Variants in CCSER1 observed in about 807,000 individuals in gnomAD.
CCSER1 encodes coiled-coil serine rich protein 1.
A neutral mutation model predicts 82.0 loss-of-function variants in CCSER1; 41 were observed. The ratio of observed to expected loss-of-function variants is 0.50; its 90% CI spans 0.39 to 0.65. The LOEUF (loss-of-function observed/expected upper bound fraction) is 0.65, where lower values mean the gene tolerates loss of function less well. Ranked by LOEUF, CCSER1 falls within the 30% of genes least tolerant of loss-of-function variation. The probability of loss-of-function intolerance (pLI) is 0.00; values close to 1 mark genes in which losing one functional copy is unlikely to be tolerated. For missense variants in CCSER1, 1,119 were observed against 1,064.2 expected (o/e 1.05, Z -0.72); for synonymous variants, 414 against 383.9 (o/e 1.08, Z -0.92).
intron 10 of CCSER1, among the ~76,000 whole-genome samples, chr4:91,104,541 T>G (rs1427463761): frequency 6.6e-6 from 1 of 152,210 alleles, no homozygotes; most frequent in East Asian, 1.9e-4. Flanking sequence ...AGTAAGAGAC[T>G]TTCAGTCTTA....
At chr4:90,805,869 C>T (rs1757431641) in intron 7 of CCSER1, among the ~76,000 whole-genome samples, 1 of 152,012 alleles carries the variant, frequency 6.6e-6, no homozygotes, top group Admixed American at 6.6e-5. Context: ...ATATTAAAAT[C>T]CTGTTCATTC....
intron 8 of CCSER1, among the ~76,000 whole-genome samples, chr4:90,866,083 TCGATTACCTCCCAAGA>T (rs1765695381): frequency 6.6e-6 from 1 of 151,864 alleles, no homozygotes; most frequent in South Asian, 2.1e-4. Flanking sequence ...CCCTCATGAT[TCGATTACCTCCCAAGA>T]GTCCCCACCT....
chr4:91,097,976 A>G (rs1724673518), intron 10 of CCSER1, among the ~76,000 whole-genome samples: 1 of 152,176 alleles, frequency 6.6e-6, no homozygotes, highest in Non-Finnish European at 1.5e-5. Context: ...GAAAACCATA[A>G]ATAGGAAATT....
At chr4:91,085,151 T>C (rs1723242249) in intron 9 of CCSER1, among the ~76,000 whole-genome samples, 1 of 151,974 alleles carries the variant, frequency 6.6e-6, no homozygotes, top group East Asian at 1.9e-4. Flanking sequence ...ATGTATGTGA[T>C]AAATGCATTG....
intron 7 of CCSER1, among the ~76,000 whole-genome samples, chr4:90,813,054 CA>C (rs999408369): frequency 9.2e-5 from 14 of 152,308 alleles, no homozygotes; most frequent in African/African-American, 3.4e-4. Flanking sequence ...AACAGTCCCC[CA>C]AAGTCTAACT....
chr4:90,609,144 AT>A (rs1311222153), intron 5 of CCSER1, among the ~76,000 whole-genome samples: 3 of 152,054 alleles, frequency 2.0e-5, no homozygotes, highest in African/African-American at 7.2e-5. Flanking sequence ...TTTTATTCAT[AT>A]TTTTATATAT....
At chr4:91,441,317 T>C (rs1167053606) in intron 10 of CCSER1, among the ~76,000 whole-genome samples, 4 of 152,130 alleles carry the variant, frequency 2.6e-5, no homozygotes, top group Non-Finnish European at 4.4e-5. Flanking sequence ...TGGTTCAATA[T>C]ACACAAAACA....
intron 10 of CCSER1, among the ~76,000 whole-genome samples, chr4:91,439,912 T>G (rs1754991044): frequency 6.6e-6 from 1 of 152,104 alleles, no homozygotes. Flanking sequence ...CAAGAAGAAC[T>G]AACTATCCTA....
intron 5 of CCSER1, among the ~76,000 whole-genome samples, chr4:90,581,813 G>A (rs367995397): frequency 1.4e-4 from 21 of 151,754 alleles, no homozygotes; most frequent in East Asian, 7.7e-4. Context: ...AAATGAAGAT[G>A]GATTTAGACA....
chr4:90,298,846 C>G (rs1365417449), intron 1 of CCSER1, among the ~76,000 whole-genome samples: 2 of 152,160 alleles, frequency 1.3e-5, no homozygotes, highest in African/African-American at 4.8e-5. Context: ...TGTGTCTAAA[C>G]CTTAGTACAT....
At chr4:90,916,016 G>A (rs2150216434) in intron 8 of CCSER1, among the ~76,000 whole-genome samples, 1 of 152,144 alleles carries the variant, frequency 6.6e-6, no homozygotes, top group Middle Eastern at 3.4e-3. Flanking sequence ...AATAAAAGAG[G>A]ACACAAACAA....
At chr4:90,485,523 C>A (rs1421304390) in intron 5 of CCSER1, among the ~76,000 whole-genome samples, 12 of 150,318 alleles carry the variant, frequency 8.0e-5, no homozygotes, top group South Asian at 2.1e-4. Flanking sequence ...GCTCCACCCC[C>A]CCCCCCCAAT....
chr4:91,002,330 A>T (rs1173787145), intron 9 of CCSER1, among the ~76,000 whole-genome samples: 2 of 152,182 alleles, frequency 1.3e-5, no homozygotes, highest in African/African-American at 4.8e-5. Flanking sequence ...TTCCTTTATT[A>T]TTCCCCCAGA....
intron 3 of CCSER1, among the ~76,000 whole-genome samples, chr4:90,360,134 G>A (rs1332466620): frequency 2.7e-5 from 4 of 147,990 alleles, no homozygotes; most frequent in East Asian, 2.0e-4. Flanking sequence ...GGCCAGGCTG[G>A]TCTCGAACTC....
intron 10 of CCSER1, among the ~76,000 whole-genome samples, chr4:91,395,177 T>G (rs906967959): frequency 1.5e-4 from 23 of 152,164 alleles, no homozygotes; most frequent in African/African-American, 5.3e-4. Flanking sequence ...GAAGACAGCT[T>G]GCTCTCAGGC....
At chr4:90,159,524 A>T (rs1015694893) in intron 1 of CCSER1, among the ~76,000 whole-genome samples, 1 of 152,166 alleles carries the variant, frequency 6.6e-6, no homozygotes, top group Admixed American at 6.5e-5. Context: ...AACACACAAT[A>T]TGGAAAAATT....
At chr4:91,291,885 C>A (rs764445778) in intron 10 of CCSER1, among the ~76,000 whole-genome samples, 2 of 152,056 alleles carry the variant, frequency 1.3e-5, no homozygotes, top group Non-Finnish European at 2.9e-5. Flanking sequence ...CCATCCACAT[C>A]ACAGATAAAT....
intron 5 of CCSER1, among the ~76,000 whole-genome samples, chr4:90,540,934 G>A (rs1312478103): frequency 1.3e-5 from 2 of 152,118 alleles, no homozygotes; most frequent in African/African-American, 4.8e-5. Flanking sequence ...GATCATGCAT[G>A]ATAGAGGTCC....
intron 8 of CCSER1, among the ~76,000 whole-genome samples, chr4:90,917,399 C>T (rs1727638325): frequency 6.6e-6 from 1 of 152,070 alleles, no homozygotes; most frequent in Non-Finnish European, 1.5e-5. Context: ...TCATTCTCAG[C>T]AAACTATTGC....
Sources: allele counts gnomAD v4.1 joint callset (sites outside exome capture counted in the v4.1 genomes callset), GRCh38; gene constraint gnomAD v4.1.1; transcripts MANE v1.5; gene names NCBI Gene and HGNC (gene_info 2026-07-23, HGNC 2026-07-21).